The following SASH1 variants were observed in gnomAD, a reference collection of about 807,000 sequenced individuals.
The protein encoded by SASH1 is SAM and SH3 domain-containing protein 1.
A neutral mutation model predicts 125.2 loss-of-function variants in SASH1; 44 were observed. The observed-to-expected ratio is 0.35, with a 90% CI of 0.28 to 0.45. The LOEUF (loss-of-function observed/expected upper bound fraction) is 0.45, where lower values mean the gene tolerates loss of function less well. Ranked by LOEUF, SASH1 falls within the 20% of genes least tolerant of loss-of-function variation. SASH1 has a pLI of 1.00. For missense variants in SASH1, 1,426 were observed against 1,614.5 expected (o/e 0.88, Z 2.00); for synonymous variants, 639 against 649.1 (o/e 0.98, Z 0.24).
chr6:148,244,151 C>A, the SASH1 span, among the ~76,000 whole-genome samples: 44 of 152,318 alleles, frequency 2.9e-4, no homozygotes, highest in East Asian at 8.1e-3. Flanking sequence ...CTCAACACAG[C>A]ACTTGACCAT....
intron 8 of SASH1, among the ~76,000 whole-genome samples, chr6:148,507,146 G>A (rs1417878297): frequency 6.6e-6 from 1 of 151,936 alleles, no homozygotes; most frequent in Non-Finnish European, 1.5e-5. Context: ...TTCAATAAAG[G>A]TTGGGAGGAG....
chr6:148,302,857 C>G (rs4896988), intron 1 of SASH1, among the ~76,000 whole-genome samples: 41,526 of 150,032 alleles, frequency 0.28, 6,102 homozygotes, highest in South Asian at 0.36. Context: ...CACACACACA[C>G]AGAGAGAAAG....
At chr6:148,535,799 TC>T (rs1344053330) in intron 16 of SASH1, among the ~76,000 whole-genome samples, 1 of 152,216 alleles carries the variant, frequency 6.6e-6, no homozygotes, top group Non-Finnish European at 1.5e-5. Context: ...AAACACGTTT[TC>T]CTTCAAGGAC....
At chr6:148,390,613 C>A (rs199968996) in intron 2 of SASH1, among the ~76,000 whole-genome samples, 1 of 151,998 alleles carries the variant, frequency 6.6e-6, no homozygotes, top group Non-Finnish European at 1.5e-5. Flanking sequence ...GGTGAAACCC[C>A]GTCTCTACTA....
intron 4 of SASH1, among the ~76,000 whole-genome samples, chr6:148,467,462 G>C (rs1777897991): frequency 6.6e-6 from 1 of 152,050 alleles, no homozygotes; most frequent in Non-Finnish European, 1.5e-5. Context: ...CTGGTTTTGG[G>C]CTGTGCACAC....
the SASH1 span, among the ~76,000 whole-genome samples, chr6:148,228,340 C>A: frequency 6.6e-6 from 1 of 152,166 alleles, no homozygotes; most frequent in African/African-American, 2.4e-5. Flanking sequence ...AGCACCCTCA[C>A]CCTTAAATTC....
the SASH1 span, among the ~76,000 whole-genome samples, chr6:148,209,697 G>A: frequency 2.6e-5 from 4 of 152,128 alleles, no homozygotes; most frequent in Admixed American, 2.6e-4. Flanking sequence ...TGGGAGAAAT[G>A]CATTTTAGCA....
intron 2 of SASH1, among the ~76,000 whole-genome samples, chr6:148,433,303 A>G (rs1776138004): frequency 6.6e-6 from 1 of 152,190 alleles, no homozygotes; most frequent in Non-Finnish European, 1.5e-5. Context: ...GTCCTTCTCT[A>G]TTAATAATAA....
At chr6:148,239,652 T>TTAGCAAG in the SASH1 span, among the ~76,000 whole-genome samples, 3 of 151,738 alleles carry the variant, frequency 2.0e-5, no homozygotes, top group African/African-American at 7.3e-5. Flanking sequence ...TTCTTTCATC[T>TTAGCAAG]GTAAAAGTAG....
rs58404987 is a variant in SASH1, at chr6:148,287,706, G to C, written n.74+15329G>C. ...GCGTGCGTGTGTGTGGGGGGGTGGG[G>C]GGTGGTATTCCTCTGTTGTTTGCAA... On this transcript the variant is annotated intron_variant and non_coding_transcript_variant, in intron 1 of 3. Coordinates refer to the SASH1 transcript ENST00000367469. Among the ~76,000 whole-genome samples the C allele has an allele frequency of 5.4e-5, 3 of 55,632 alleles. No homozygotes were observed. The South Asian group carries it at 1.4e-3, about 26-fold the overall frequency. The allele number at this position is 55,632 out of a possible 152,430, so 36.5% of individuals were successfully genotyped here. A position where few individuals can be genotyped will look rare whatever the true frequency, so the allele number is the denominator to read the frequency against.
At position 148,529,713 on chromosome 6, in the gene SASH1, T is replaced by C. The variant is rs1013859960; in HGVS notation, c.1429-1813T>C. Among the ~76,000 whole-genome samples the C allele has an allele frequency of 6.6e-6, 1 of 152,218 alleles. No individual in the cohort carries two copies. Among genetic ancestry groups the C allele is most frequent in the South Asian group, 2.1e-4 (1 of 4,832 alleles). On this transcript the variant is annotated intron_variant, in intron 12 of 19. Transcript: ENST00000367467. This position sits in a 1 kb window ranked among gnomAD's most constrained non-coding sequence, Gnocchi z 4.2. ...AGTTCTGTTTTTTTAAAGCAGCCAT[T>C]TCACATAAGTTAAGGAATAAAAGAA...
chr6:148,546,592 GT>G (rs1782587613), intron 19 of SASH1, among the ~76,000 whole-genome samples: 1 of 152,206 alleles, frequency 6.6e-6, no homozygotes, highest in African/African-American at 2.4e-5. Flanking sequence ...GGTGACTACA[GT>G]TAATAACAAT....
At chr6:148,491,831 T>C (rs2115228276) in intron 8 of SASH1, among the ~76,000 whole-genome samples, 1 of 152,310 alleles carries the variant, frequency 6.6e-6, no homozygotes, top group Non-Finnish European at 1.5e-5. Flanking sequence ...TAATAATAAA[T>C]GTGTCATAGG....
chr6:148,299,967 C>T (rs758943591), intron 1 of SASH1, among the ~76,000 whole-genome samples: 17 of 152,094 alleles, frequency 1.1e-4, no homozygotes, highest in Admixed American at 1.3e-4. Flanking sequence ...ACTTTCAATG[C>T]CTGGGGCCTG....
intron 9 of SASH1, among the ~76,000 whole-genome samples, chr6:148,516,260 T>C (rs1343076773): frequency 2.6e-5 from 4 of 151,916 alleles, no homozygotes; most frequent in Non-Finnish European, 5.9e-5. Context: ...GGGTGCTGAG[T>C]TGCCGTTGGC....
At chr6:148,432,959 A>ATG (rs1321324984) in intron 2 of SASH1, among the ~76,000 whole-genome samples, 3 of 152,298 alleles carry the variant, frequency 2.0e-5, no homozygotes, top group East Asian at 1.9e-4. Flanking sequence ...GTGGCTGTAG[A>ATG]TGTGTGTGTG....
At chr6:148,499,497 C>T (rs923255284) in intron 8 of SASH1, among the ~76,000 whole-genome samples, 3 of 152,146 alleles carry the variant, frequency 2.0e-5, no homozygotes, top group Non-Finnish European at 2.9e-5. Context: ...AGTCCTTGTA[C>T]ACAGGGAGCT....
At chr6:148,488,136 G>A (rs1030734297) in intron 8 of SASH1, among the ~76,000 whole-genome samples, 7 of 151,924 alleles carry the variant, frequency 4.6e-5, no homozygotes, top group Non-Finnish European at 7.4e-5. Flanking sequence ...CTACGCCCCC[G>A]CCTCACCCAC....
At chr6:148,290,311 A>G (rs1489907037) in intron 1 of SASH1, among the ~76,000 whole-genome samples, 1 of 151,772 alleles carries the variant, frequency 6.6e-6, no homozygotes, top group Non-Finnish European at 1.5e-5. Context: ...CTAGGAATTA[A>G]TGAAAACGTT....
Sources: allele counts gnomAD v4.1 joint callset (sites outside exome capture counted in the v4.1 genomes callset), GRCh38; gene constraint gnomAD v4.1.1; non-coding constraint Gnocchi (gnomAD v3.1); transcripts MANE v1.5; gene names NCBI Gene and HGNC (gene_info 2026-07-23, HGNC 2026-07-21).